Variants in IQCM observed in about 807,000 individuals in gnomAD.
The protein encoded by IQCM is IQ motif containing M.
IQCM carries 45 observed loss-of-function variants against 57.6 expected under a neutral mutation model. That is an observed-to-expected ratio of 0.78 (90% CI 0.62 to 1.00). The LOEUF is 1.00. Ranked by LOEUF, IQCM falls within the 50% of genes least tolerant of loss-of-function variation. The pLI is 0.00. For synonymous variants in IQCM, 148 were observed against 158.9 expected (o/e 0.93, Z 0.51); for missense variants, 468 against 511.6 (o/e 0.91, Z 0.82).
chr4:149,509,906 T>C (rs979108842), intron 12 of IQCM, among the ~76,000 whole-genome samples: 4 of 152,164 alleles, frequency 2.6e-5, no homozygotes, highest in East Asian at 1.9e-4. Flanking sequence ...TTAATAACTT[T>C]CTTTTCATTT....
At chr4:149,356,772 T>A (rs989758425) in intron 13 of IQCM, among the ~76,000 whole-genome samples, 7 of 152,200 alleles carry the variant, frequency 4.6e-5, no homozygotes, top group Non-Finnish European at 1.0e-4. Flanking sequence ...TTTTTTCCAA[T>A]TCTGTGAAGA....
chr4:149,787,280 GGTTT>G (rs1772157729), intron 2 of IQCM, among the ~76,000 whole-genome samples: 2 of 151,378 alleles, frequency 1.3e-5, no homozygotes, highest in Admixed American at 6.6e-5. Flanking sequence ...ATGTATCCTG[GGTTT>G]GTTTTTTTTT....
chr4:149,803,467 A>G (rs1198539799), intron 2 of IQCM, among the ~76,000 whole-genome samples: 2 of 151,964 alleles, frequency 1.3e-5, no homozygotes, highest in South Asian at 2.1e-4. Flanking sequence ...TCTTCAGCCT[A>G]CTAATAAGCA....
intron 9 of IQCM, among the ~76,000 whole-genome samples, chr4:149,586,539 T>C (rs1333845354): frequency 2.0e-5 from 3 of 151,706 alleles, no homozygotes; most frequent in Admixed American, 6.6e-5. Context: ...ATTTTATTAA[T>C]CTTTTCAAAG....
intron 12 of IQCM, among the ~76,000 whole-genome samples, chr4:149,500,498 G>T (rs1743128595): frequency 6.6e-6 from 1 of 152,096 alleles, no homozygotes. Context: ...GATGGCTGAG[G>T]CATTTTCAGA....
chr4:149,769,789 GTAAAAACC>G (rs1770399580), intron 2 of IQCM, among the ~76,000 whole-genome samples: 1 of 148,128 alleles, frequency 6.8e-6, no homozygotes, highest in African/African-American at 2.4e-5. Context: ...ACTACATAAA[GTAAAAACC>G]TAATAAAACT....
intron 13 of IQCM, among the ~76,000 whole-genome samples, chr4:149,367,626 C>T (rs1729934614): frequency 6.6e-6 from 1 of 151,900 alleles, no homozygotes. Context: ...AATAAGCATG[C>T]TTATTTATTC....
At chr4:149,372,968 G>T (rs1003096728) in intron 13 of IQCM, among the ~76,000 whole-genome samples, 1 of 152,060 alleles carries the variant, frequency 6.6e-6, no homozygotes, top group African/African-American at 2.4e-5. Flanking sequence ...GGTTTATCAC[G>T]AAATCTGTGT....
chr4:149,648,260 T>C (rs1011358855), intron 7 of IQCM, among the ~76,000 whole-genome samples: 10 of 152,200 alleles, frequency 6.6e-5, no homozygotes, highest in African/African-American at 2.2e-4. Flanking sequence ...TGTTTCCTTA[T>C]GTACTTAGCT....
intron 2 of IQCM, among the ~76,000 whole-genome samples, chr4:149,762,406 T>C (rs954197571): frequency 6.6e-6 from 1 of 151,436 alleles, no homozygotes; most frequent in African/African-American, 2.4e-5. Context: ...TAAAATTGTA[T>C]CTAAAAGCTT....
chr4:149,595,653 A>G (rs559392200), intron 8 of IQCM, among the ~76,000 whole-genome samples: 1 of 152,272 alleles, frequency 6.6e-6, no homozygotes, highest in South Asian at 2.1e-4. Flanking sequence ...AACAGAAAAA[A>G]TGTCAATCAC....
chr4:149,529,898 T>C (rs1746561172), intron 12 of IQCM, among the ~76,000 whole-genome samples: 1 of 152,210 alleles, frequency 6.6e-6, no homozygotes, highest in South Asian at 2.1e-4. Flanking sequence ...AAGTATTTAA[T>C]GTTGCCTTCA....
intron 7 of IQCM, among the ~76,000 whole-genome samples, chr4:149,625,835 C>A (rs2726775): frequency 5.9e-5 from 9 of 151,988 alleles, no homozygotes; most frequent in Non-Finnish European, 1.3e-4. Context: ...CAAGGCACCA[C>A]ATTTTTGGGG....
intron 8 of IQCM, among the ~76,000 whole-genome samples, chr4:149,609,818 T>C (rs1755120571): frequency 1.3e-5 from 2 of 151,914 alleles, no homozygotes; most frequent in Admixed American, 1.3e-4. Flanking sequence ...TCCTCTAATA[T>C]CTGGGATAAG....
At chr4:149,545,653 GA>G (rs1312474852) in intron 12 of IQCM, among the ~76,000 whole-genome samples, 1 of 151,998 alleles carries the variant, frequency 6.6e-6, no homozygotes, top group African/African-American at 2.4e-5. Flanking sequence ...ATTAAAAATA[GA>G]ACTACCATAA....
chr4:149,499,306 CCT>C lies in IQCM; in HGVS notation c.1228+49147_1228+49148del, dbSNP rs1490639824. ...AAAAATATACATGCATGTGCATATA[CCT>C]GCTACTTTTGCTAGAAATAAAAAAT... On this transcript the variant is annotated intron_variant, in intron 12 of 13. Coordinates refer to ENST00000636793, the MANE Select transcript of IQCM (RefSeq NM_001363507.2). Among the ~76,000 whole-genome samples, 4 of 152,108 alleles carry C rather than the reference CCT, an allele frequency of 2.6e-5. No homozygotes were observed. In the East Asian group the frequency reaches 7.7e-4, roughly 29 times the overall value.
intron 2 of IQCM, among the ~76,000 whole-genome samples, chr4:149,780,916 C>T (rs77011820): frequency 0.021 from 3,222 of 152,020 alleles, 58 homozygotes; most frequent in Non-Finnish European, 0.033. Context: ...AGGTATCATG[C>T]GAAGATGAGT....
At chr4:149,695,312 T>C (rs971301779) in intron 5 of IQCM, among the ~76,000 whole-genome samples, 1 of 152,192 alleles carries the variant, frequency 6.6e-6, no homozygotes, top group African/African-American at 2.4e-5. Flanking sequence ...GATTATGAAG[T>C]TAACATTCTT....
chr4:149,680,502 C>T (rs566073343), intron 7 of IQCM, among the ~76,000 whole-genome samples: 1 of 151,312 alleles, frequency 6.6e-6, no homozygotes, highest in South Asian at 2.1e-4. Flanking sequence ...TGTGCAGAGA[C>T]AGGTGCACAG....
Sources: gnomAD v4.1 joint callset for allele counts (sites outside exome capture counted in the v4.1 genomes callset) on GRCh38, gnomAD v4.1.1 for gene constraint, MANE v1.5 for transcripts, NCBI Gene and HGNC (gene_info 2026-07-23, HGNC 2026-07-21) for gene names.